LAMA3: variants seen among roughly 807,000 people sequenced by gnomAD.
LAMA3 encodes the protein laminin subunit alpha-3.
A neutral mutation model predicts 402.0 loss-of-function variants in LAMA3; 281 were observed. The observed-to-expected ratio is 0.70, with a 90% CI of 0.63 to 0.77. The LOEUF is 0.77. Among genes scored for constraint, LAMA3 ranks in the 30% least tolerant of loss-of-function variants. LAMA3 has a pLI of 0.00. For synonymous variants in LAMA3, 1,431 were observed against 1,558.4 expected (o/e 0.92, Z 1.93); for missense variants, 3,840 against 4,215.5 (o/e 0.91, Z 2.47).
chr18:23,701,879 G>A (rs2060796013), intron 1 of LAMA3, among the ~76,000 whole-genome samples: 1 of 152,196 alleles, frequency 6.6e-6, no homozygotes, highest in Admixed American at 6.5e-5. Flanking sequence ...GAGCAGCCTT[G>A]GAGTGATTGA....
At chr18:23,718,526 C>A (rs60933379) in intron 2 of LAMA3, among the ~76,000 whole-genome samples, 2,368 of 152,294 alleles carry the variant, frequency 0.016, 62 homozygotes, top group African/African-American at 0.054. Flanking sequence ...CAATCCCTCA[C>A]CCCCAACATC....
chr18:23,943,640 G>T, intron 68 of LAMA3, 148 bp from the exon 69 acceptor site: 1 of 699,068 alleles, frequency 1.4e-6, no homozygotes, highest in East Asian at 2.6e-5. Flanking sequence ...AGTTTCCAGA[G>T]AAACGGGTCA....
intron 32 of LAMA3, among the ~76,000 whole-genome samples, chr18:23,850,622 C>T (rs2063922152): frequency 6.6e-6 from 1 of 152,196 alleles, no homozygotes; most frequent in Non-Finnish European, 1.5e-5. Flanking sequence ...ATTATTCTGG[C>T]CAATTCTATC....
At chr18:23,833,704 T>G (rs2063527829) in intron 23 of LAMA3, 124 bp from the exon 24 acceptor site, 3 of 1,035,112 alleles carry the variant, frequency 2.9e-6, no homozygotes, top group Admixed American at 1.7e-5. Context: ...TATTCCTTAC[T>G]GGGATGACAT....
chr18:23,779,138 G>A (rs1341141197), intron 11 of LAMA3, among the ~76,000 whole-genome samples: 2 of 152,170 alleles, frequency 1.3e-5, no homozygotes, highest in Non-Finnish European at 2.9e-5. Flanking sequence ...AGGCATCAGG[G>A]GCTGGATGGA....
chr18:23,832,731 T>G (rs1459514085), intron 23 of LAMA3, among the ~76,000 whole-genome samples: 1 of 152,176 alleles, frequency 6.6e-6, no homozygotes. Context: ...AACGGATTTG[T>G]TAAATAGTTT....
At chr18:23,702,066 C>T (rs1341306255) in intron 1 of LAMA3, among the ~76,000 whole-genome samples, 1 of 152,058 alleles carries the variant, frequency 6.6e-6, no homozygotes, top group Non-Finnish European at 1.5e-5. Context: ...ACAGGAGCTT[C>T]TCCATACCAA....
At chr18:23,737,809 T>C (rs532400085) in intron 2 of LAMA3, among the ~76,000 whole-genome samples, 1 of 152,352 alleles carries the variant, frequency 6.6e-6, no homozygotes, top group East Asian at 1.9e-4. Context: ...CATTCTAGAC[T>C]TGACTATTTA....
At chr18:23,716,196 T>A (rs1305849908) in intron 2 of LAMA3, among the ~76,000 whole-genome samples, 1 of 152,146 alleles carries the variant, frequency 6.6e-6, no homozygotes, top group Non-Finnish European at 1.5e-5. Context: ...CTCACTCTAT[T>A]GCTCAGGCTG....
intron 8 of LAMA3, among the ~76,000 whole-genome samples, chr18:23,765,839 G>A (rs1015367850): frequency 7.2e-5 from 11 of 152,102 alleles, no homozygotes; most frequent in Non-Finnish European, 7.4e-5. Context: ...TGGAGGGGCC[G>A]AATAGCAGAA....
intron 56 of LAMA3, among the ~76,000 whole-genome samples, 165 bp downstream of exon 56, chr18:23,913,046 C>T (rs776155483): frequency 1.6e-4 from 25 of 152,246 alleles, no homozygotes; most frequent in Non-Finnish European, 2.8e-4. Context: ...CACCTCCCCA[C>T]TGTGGCAGTG....
intron 42 of LAMA3, among the ~76,000 whole-genome samples, chr18:23,892,270 A>G (rs1478653981): frequency 6.6e-6 from 1 of 152,258 alleles, no homozygotes; most frequent in Non-Finnish European, 1.5e-5. Flanking sequence ...CCACGCCAGT[A>G]ACAAAAATCA....
intron 40 of LAMA3, among the ~76,000 whole-genome samples, chr18:23,883,844 G>A (rs1478860123): frequency 2.0e-5 from 3 of 152,204 alleles, no homozygotes; most frequent in Admixed American, 6.5e-5. Flanking sequence ...GAAGTAACAC[G>A]TAGGTCTTTG....
At chr18:23,734,854 G>T (rs2061447694) in intron 2 of LAMA3, among the ~76,000 whole-genome samples, 2 of 152,204 alleles carry the variant, frequency 1.3e-5, no homozygotes, top group Admixed American at 1.3e-4. Context: ...GGAGATACAA[G>T]GCAGAGCTGT....
chr18:23,886,727 A>C (rs1311462466), intron 41 of LAMA3, among the ~76,000 whole-genome samples: 1 of 152,254 alleles, frequency 6.6e-6, no homozygotes, highest in African/African-American at 2.4e-5. Context: ...GTTTAACCGG[A>C]AAATGAATTC....
rs143755166 is a variant in LAMA3, at chr18:23,882,001, C to T, written c.5178C>T (p.Ala1726=). Residue 1726 remains alanine (A), a synonymous_variant, in exon 40 of 75, where the codon GCC becomes GCT. Coordinates refer to ENST00000313654, the MANE Select transcript of LAMA3 (RefSeq NM_198129.4). ...GCCAGGAGGGCTACTATGGCAACGC[C>T]GTCCACGGATCCTGCAGGGCCTGCC... ...ERCQEGYYGN[A]VHGSCRACPC... is the part of the protein sequence containing the mutation. 119 of 1,614,008 alleles carry T rather than the reference C, an allele frequency of 7.4e-5. No homozygotes were observed. In the East Asian group the frequency reaches 1.8e-3, roughly 25 times the overall value.
chr18:23,824,305 C>A, intron 20 of LAMA3, 118 bp from the exon 21 acceptor site: 1 of 957,534 alleles, frequency 1.0e-6, no homozygotes, highest in Non-Finnish European at 1.7e-6. Context: ...TAAATCTGAT[C>A]AGTACATATC....
At chr18:23,851,470 T>A (rs1387163449) in intron 32 of LAMA3, among the ~76,000 whole-genome samples, 1 of 152,212 alleles carries the variant, frequency 6.6e-6, no homozygotes, top group Non-Finnish European at 1.5e-5. Flanking sequence ...CCTCTGGGCC[T>A]TAGGTCTTCA....
intron 54 of LAMA3, among the ~76,000 whole-genome samples, chr18:23,908,908 T>C (rs930080374): frequency 2.0e-5 from 3 of 152,366 alleles, no homozygotes; most frequent in South Asian, 2.1e-4. Context: ...TCAAAACTTA[T>C]GAATTGCTTA....
Sources: allele counts gnomAD v4.1 joint callset (sites outside exome capture counted in the v4.1 genomes callset), GRCh38; gene constraint gnomAD v4.1.1; transcripts MANE v1.5; gene names NCBI Gene and HGNC (gene_info 2026-07-23, HGNC 2026-07-21).